Variants in ELFN1 observed in about 807,000 individuals in gnomAD.
The protein encoded by ELFN1 is protein ELFN1.
In ELFN1, 6 loss-of-function variants were observed where a neutral mutation model predicts 7.6. The observed-to-expected ratio is 0.79, with a 90% CI of 0.43 to 1.56. ELFN1 has a LOEUF of 1.56. Ranked by LOEUF, ELFN1 falls within the 40% of genes most tolerant of loss-of-function variation. The pLI, the probability that ELFN1 is intolerant of heterozygous loss-of-function variation, is 0.01. For missense variants in ELFN1, 1,169 were observed against 1,232.2 expected (o/e 0.95, Z 0.77); for synonymous variants, 657 against 588.1 (o/e 1.12, Z -1.70).
intron 3 of ELFN1, among the ~76,000 whole-genome samples, chr7:1,743,848 TGGCCGCAGCCAGCC>T (rs1238636187): frequency 6.6e-6 from 1 of 152,158 alleles, no homozygotes; most frequent in Non-Finnish European, 1.5e-5. Flanking sequence ...CGCACATCCC[TGGCCGCAGCCAGCC>T]GGCGGAAGCC....
chr7:1,678,406 C>T (rs995828437), intron 1 of ELFN1, among the ~76,000 whole-genome samples: 5 of 152,320 alleles, frequency 3.3e-5, no homozygotes, highest in African/African-American at 1.2e-4. Context: ...TGGGTAAGGC[C>T]CGCGCCACTG....
Position 1,682,266 on chromosome 7 carries a change from A to G in ELFN1, c.-548-5792A>G, listed in dbSNP as rs552401662. Among the ~76,000 whole-genome samples, 6 of 152,288 alleles carry G rather than the reference A, an allele frequency of 3.9e-5. No individual in the cohort carries two copies. In the East Asian group the frequency reaches 1.2e-3, roughly 29 times the overall value. On this transcript the variant is annotated intron_variant, in intron 1 of 3. Transcript: ENST00000424383. ...CTCTTGCACTTAGGCCTATTGTCCAATTTTAGCTAACGTCTGTATGGTGTG... is the reference window on the plus strand; with the variant it reads ...CTCTTGCACTTAGGCCTATTGTCCAGTTTTAGCTAACGTCTGTATGGTGTG...
Position 1,744,440 on chromosome 7 carries a change from C to T in ELFN1, c.-157C>T, listed in dbSNP as rs918875879. On this transcript the variant is annotated 5_prime_UTR_variant, in exon 4 of 4. Coordinates refer to ENST00000424383, the MANE Select transcript of ELFN1 (RefSeq NM_001128636.4). ...GTGAGGGAGGCGCCCTCCCTCCCCG[C>T]GCTTACGTCGCGCGGCCATGCGGTT... The T allele has an allele frequency of 2.5e-5, 21 of 842,650 alleles. No homozygotes were observed. Among genetic ancestry groups the T allele is most frequent in the African/African-American group, 3.6e-5 (2 of 55,118 alleles). 52.2% of individuals were successfully genotyped at this position (842,650 alleles called of 1,614,324 possible). A position where few individuals can be genotyped will look rare whatever the true frequency, so the allele number is the denominator to read the frequency against.
intron 3 of ELFN1, among the ~76,000 whole-genome samples, chr7:1,711,575 TGAGAGAGAGA>T (rs55658122): frequency 0.072 from 6,350 of 87,694 alleles, 119 homozygotes; most frequent in Middle Eastern, 0.14. Context: ...AGCGAGAGAG[TGAGAGAGAGA>T]GAGAGAGAGA....
At chr7:1,733,160 C>A (rs1780359485) in intron 3 of ELFN1, among the ~76,000 whole-genome samples, 1 of 152,210 alleles carries the variant, frequency 6.6e-6, no homozygotes, top group East Asian at 1.9e-4. Flanking sequence ...CTCGGCTTCC[C>A]AAAATGCTGA....
chr7:1,724,281 C>T (rs1202520221), intron 3 of ELFN1, among the ~76,000 whole-genome samples: 1 of 152,208 alleles, frequency 6.6e-6, no homozygotes, highest in Admixed American at 6.5e-5. Context: ...CTAAGCAGTG[C>T]TGGGCAGAAC....
chr7:1,727,637 T>C (rs1159553960), intron 3 of ELFN1, among the ~76,000 whole-genome samples: 1 of 152,090 alleles, frequency 6.6e-6, no homozygotes, highest in African/African-American at 2.4e-5. Context: ...TCCAGTAGTC[T>C]TTTTTTGGTC....
At position 1,740,877 on chromosome 7, in the gene ELFN1, C is replaced by A. The variant is rs1485295130; in HGVS notation, c.-293-3427C>A. On this transcript the variant is annotated intron_variant, in intron 3 of 3. Transcript: ENST00000424383. This position sits in a 1 kb window ranked among gnomAD's most constrained non-coding sequence, Gnocchi z 5.0. ...GGGCATGGTGGCTCACGCCTGTAAT[C>A]CCAGCACTTTGGGAGGCCAAGGCAG... Among the ~76,000 whole-genome samples, 1 of 152,162 alleles carries A rather than the reference C, an allele frequency of 6.6e-6. No homozygotes were observed. The highest frequency in any genetic ancestry group is 1.5e-5 in the Non-Finnish European group (1 of 68,012).
intron 2 of ELFN1, among the ~76,000 whole-genome samples, chr7:1,690,157 G>A (rs1420606127): frequency 1.3e-5 from 2 of 151,910 alleles, no homozygotes; most frequent in African/African-American, 4.8e-5. Context: ...GGATGGATAG[G>A]TGAGTGGATG....
At chr7:1,694,234 C>T (rs544822921) in intron 2 of ELFN1, 8 of 196,288 alleles carry the variant, frequency 4.1e-5, no homozygotes, top group South Asian at 3.3e-4. Context: ...AGGCCGGTGC[C>T]GGGCAGGGCT....
intron 1 of ELFN1, among the ~76,000 whole-genome samples, chr7:1,678,108 C>T (rs893062365): frequency 2.0e-5 from 3 of 152,162 alleles, no homozygotes; most frequent in Non-Finnish European, 2.9e-5. Context: ...AGTCAGGGAC[C>T]GAGGGGACTC....
intron 2 of ELFN1, among the ~76,000 whole-genome samples, chr7:1,689,438 G>T (rs1779116068): frequency 6.6e-6 from 1 of 152,200 alleles, no homozygotes; most frequent in Non-Finnish European, 1.5e-5. Flanking sequence ...TCCCGGCTCA[G>T]TCCCCAAGCC....
At position 1,711,575 on chromosome 7, in the gene ELFN1, T is replaced by TGAGAGAGAGA. The variant is rs55658122; in HGVS notation, c.-294+2366_-294+2375dup. Among the ~76,000 whole-genome samples, 63 of 87,570 alleles carry TGAGAGAGAGA rather than the reference T, an allele frequency of 7.2e-4. 1 individual carries two copies. The highest frequency in any genetic ancestry group is 1.8e-3 in the East Asian group (5 of 2,730). The allele number at this position is 87,570 out of a possible 152,430, so 57.4% of individuals were successfully genotyped here. A position where few individuals can be genotyped will look rare whatever the true frequency, so the allele number is the denominator to read the frequency against. ...AAACCTTGAAGAGAGAGCGAGAGAG[T>TGAGAGAGAGA]GAGAGAGAGAGAGAGAGAGAGAGAG... is the stretch of plus-strand genomic sequence containing the variant. On this transcript the variant is annotated intron_variant, in intron 3 of 3. Transcript: ENST00000424383.
intron 3 of ELFN1, among the ~76,000 whole-genome samples, chr7:1,737,572 C>T (rs1041033119): frequency 7.7e-4 from 117 of 152,342 alleles, no homozygotes; most frequent in African/African-American, 2.8e-3. Flanking sequence ...AGACTCCGTC[C>T]TTTTGAGTGT....
upstream of ELFN1, among the ~76,000 whole-genome samples, chr7:1,666,672 T>A (rs950657378): frequency 6.7e-6 from 1 of 150,320 alleles, no homozygotes; most frequent in East Asian, 2.0e-4. This position sits in a 1 kb window ranked among gnomAD's most constrained non-coding sequence, Gnocchi z 7.9. Context: ...TCGAGTGCGC[T>A]GGGGTAGCCG....
At chr7:1,728,580 C>G (rs901977595) in intron 3 of ELFN1, among the ~76,000 whole-genome samples, 3 of 152,232 alleles carry the variant, frequency 2.0e-5, no homozygotes, top group African/African-American at 7.2e-5. Flanking sequence ...TTTGCTCAGA[C>G]CCCCCACCTT....
intron 3 of ELFN1, among the ~76,000 whole-genome samples, chr7:1,717,515 G>A (rs1779871087): frequency 6.6e-6 from 1 of 152,212 alleles, no homozygotes; most frequent in African/African-American, 2.4e-5. Context: ...CCACTCAGAG[G>A]AAGGTGCCGG....
At position 1,705,770 on chromosome 7, in the gene ELFN1, G is replaced by C. The variant is rs1779517446; in HGVS notation, c.-455-3321G>C. On this transcript the variant is annotated intron_variant, in intron 2 of 3. Transcript: ENST00000424383. This position sits in a 1 kb window ranked among gnomAD's most constrained non-coding sequence, Gnocchi z 4.3. ...AGATTTGTTGCCCTTCTGTAAAGTAGAGTCTTAGTGTCCCGGGATGGTCCT... is the reference window on the plus strand; with the variant it reads ...AGATTTGTTGCCCTTCTGTAAAGTACAGTCTTAGTGTCCCGGGATGGTCCT... Among the ~76,000 whole-genome samples the C allele has an allele frequency of 6.6e-6, 1 of 152,216 alleles. No homozygotes were observed. The highest frequency in any genetic ancestry group is 1.5e-5 in the Non-Finnish European group (1 of 68,042).
chr7:1,699,367 G>A (rs1779380744), intron 2 of ELFN1, among the ~76,000 whole-genome samples: 1 of 152,230 alleles, frequency 6.6e-6, no homozygotes, highest in Non-Finnish European at 1.5e-5. Context: ...GCCAGGTGCA[G>A]TGGCTCACAC....
Sources: gnomAD v4.1 joint callset for allele counts (sites outside exome capture counted in the v4.1 genomes callset) on GRCh38, gnomAD v4.1.1 for gene constraint, Gnocchi (gnomAD v3.1) non-coding constraint, MANE v1.5 for transcripts, NCBI Gene and HGNC (gene_info 2026-07-23, HGNC 2026-07-21) for gene names.